Variants in CYB561 observed in about 807,000 individuals in gnomAD.
CYB561 encodes cytochrome b561, also known as transmembrane ascorbate-dependent reductase CYB561.
Under a neutral mutation model 25.3 loss-of-function variants are expected in CYB561, and 11 were observed. The ratio of observed to expected loss-of-function variants is 0.44; its 90% CI spans 0.27 to 0.72. The LOEUF is 0.72. Among genes scored for constraint, CYB561 ranks in the 30% least tolerant of loss-of-function variants. The probability of loss-of-function intolerance (pLI) is 0.18; values close to 1 mark genes in which losing one functional copy is unlikely to be tolerated. For synonymous variants in CYB561, 165 were observed against 158.8 expected (o/e 1.04, Z -0.29); for missense variants, 295 against 334.9 (o/e 0.88, Z 0.93).
rs1454233103 is a variant in CYB561, at chr17:63,436,125, T to C, written c.230A>G (p.Asn77Ser). ...GACCTTGGTGGTGCGTTTAGCTTCG[T>C]TCCTGAAGACACGGTAAACCAGCAG... ...NALLVYRVFR[N>S]EAKRTTKVLH... is the part of the protein sequence containing the mutation. The change falls in exon 3 of 6, where the codon AAC (asparagine) becomes AGC (serine). Residue 77 changes from asparagine (N) to serine (S), a missense_variant. Physicochemically the swap from Asn to Ser is conservative, Grantham distance 46 (BLOSUM62 1). Coordinates refer to ENST00000360793, the MANE Select transcript of CYB561 (RefSeq NM_001915.4). This position sits in a 1 kb window ranked among gnomAD's most constrained non-coding sequence, Gnocchi z 4.8. The C allele has an allele frequency of 1.2e-6, 2 of 1,614,012 alleles. No individual in the cohort carries two copies. Among genetic ancestry groups the C allele is most frequent in the African/African-American group, 2.7e-5 (2 of 74,902 alleles).
At chr17:63,435,513 C>A in intron 4 of CYB561, 175 bp downstream of exon 4, 1 of 703,768 alleles carries the variant, frequency 1.4e-6, no homozygotes, top group East Asian at 2.7e-5. Flanking sequence ...GGGAGCTGGG[C>A]ACCCTTGGCC....
upstream of CYB561, chr17:63,446,431 G>A (rs1243668776): frequency 1.3e-5 from 2 of 151,886 alleles, no homozygotes; most frequent in African/African-American, 4.8e-5. Flanking sequence ...CCGCGGTTGC[G>A]GCCACGCTCG....
intron 2 of CYB561, chr17:63,437,035 C>T: frequency 4.4e-6 from 2 of 450,082 alleles, no homozygotes; most frequent in South Asian, 2.9e-5. Context: ...ATTCAAACCA[C>T]CCCTGCAGCA....
Position 63,433,053 on chromosome 17 carries a change from CTT to C in CYB561, c.*1347_*1348del, listed in dbSNP as rs558731885. The C allele has an allele frequency of 1.8e-5, 4 of 219,686 alleles. No homozygotes were observed. The highest frequency in any genetic ancestry group is 4.6e-5 in the African/African-American group (2 of 43,278). 13.6% of individuals were successfully genotyped at this position (219,686 alleles called of 1,614,324 possible). ...ATCCAAGAAGCACATGATCGGTGTT[CTT>C]TTTTTTTTCTTTTTTGAGCCTGTCG... On this transcript the variant is annotated 3_prime_UTR_variant, in exon 6 of 6. Coordinates refer to ENST00000360793, the MANE Select transcript of CYB561 (RefSeq NM_001915.4).
chr17:63,436,886 A>T lies in CYB561; in HGVS notation c.202+460T>A, dbSNP rs1002915942. Among the ~76,000 whole-genome samples the T allele has an allele frequency of 2.0e-5, 3 of 152,190 alleles. No homozygotes were observed. Among genetic ancestry groups the T allele is most frequent in the African/African-American group, 7.2e-5 (3 of 41,436 alleles). On this transcript the variant is annotated intron_variant, in intron 2 of 5. Transcript: ENST00000360793. The surrounding 1 kb of genome is among the most constrained non-coding windows in gnomAD (Gnocchi z 4.8). Reference sequence around the variant, plus strand: ...CTTCCTGGATCCCTGGCCTGGAGGCAGGTGGAGGCCAAGCACTGCCTTGCT... The same window carrying T: ...CTTCCTGGATCCCTGGCCTGGAGGCTGGTGGAGGCCAAGCACTGCCTTGCT...
chr17:63,438,304 G>A, intron 1 of CYB561: 1 of 1,170,078 alleles, frequency 8.5e-7, no homozygotes, highest in South Asian at 1.4e-5. Context: ...GGAAGGAAGG[G>A]GCTGGTCACA....
intron 1 of CYB561, chr17:63,438,266 G>C: frequency 6.6e-7 from 1 of 1,510,100 alleles, no homozygotes; most frequent in South Asian, 1.2e-5. Flanking sequence ...TTACAGGTGA[G>C]TTACACAGGC....
chr17:63,444,191 C>T (rs367689514), intron 1 of CYB561, among the ~76,000 whole-genome samples: 13 of 152,086 alleles, frequency 8.5e-5, no homozygotes, highest in African/African-American at 2.2e-4. Flanking sequence ...ACCACTGCGC[C>T]GGGCCAATTG....
chr17:63,435,813 T>G (rs1418492988), intron 3 of CYB561, 22 bp from the exon 4 acceptor site: 2 of 1,610,934 alleles, frequency 1.2e-6, no homozygotes, highest in Non-Finnish European at 8.5e-7. Context: ...ACAGGTCATA[T>G]GAGGACAGGG....
chr17:63,434,104 A>C lies in CYB561; in HGVS notation c.*298T>G. ...GTGGGGCCTCCTCTCTCGCTTCTTTAAAGATCTGTGCTCTGCGACCAGGAC... is the reference window on the plus strand; with the variant it reads ...GTGGGGCCTCCTCTCTCGCTTCTTTCAAGATCTGTGCTCTGCGACCAGGAC... On this transcript the variant is annotated 3_prime_UTR_variant, in exon 6 of 6. Coordinates refer to ENST00000360793, the MANE Select transcript of CYB561 (RefSeq NM_001915.4). The C allele has an allele frequency of 2.9e-6, 1 of 343,434 alleles. No individual in the cohort carries two copies. The highest frequency in any genetic ancestry group is 2.1e-5 in the African/African-American group (1 of 47,980). 21.3% of individuals were successfully genotyped at this position (343,434 alleles called of 1,614,324 possible).
intron 1 of CYB561, chr17:63,439,186 C>G (rs1359678909): frequency 1.3e-5 from 2 of 152,480 alleles, no homozygotes; most frequent in Non-Finnish European, 2.9e-5. Context: ...CTTCTCTGCT[C>G]CCCAGTTCTC....
Position 63,433,178 on chromosome 17 carries a change from G to T in CYB561, c.*1224C>A. 1 of 371,518 alleles carries T rather than the reference G, an allele frequency of 2.7e-6. No individual in the cohort carries two copies. Among genetic ancestry groups the T allele is most frequent in the Middle Eastern group, 6.8e-4 (1 of 1,468 alleles). The allele number at this position is 371,518 out of a possible 1,614,324, so 23.0% of individuals were successfully genotyped here. ...CTCCCAAGTAGCTGGGACTACAGGC[G>T]CCCACCACCACGCCTGGCTAATTTT... On this transcript the variant is annotated 3_prime_UTR_variant, in exon 6 of 6. Coordinates refer to ENST00000360793, the MANE Select transcript of CYB561 (RefSeq NM_001915.4).
chr17:63,438,314 A>T, intron 1 of CYB561: 1 of 1,036,068 alleles, frequency 9.7e-7, no homozygotes. Flanking sequence ...GGCTGGTCAC[A>T]CCTTTTCTCC....
Position 63,434,129 on chromosome 17 carries a change from C to T in CYB561, c.*273G>A, listed in dbSNP as rs1460526708. 1.4e-5 allele frequency: 6 copies of T among 419,024 alleles called. No homozygotes were observed. The Admixed American group carries it at 1.6e-4, about 11-fold the overall frequency. 26.0% of individuals were successfully genotyped at this position (419,024 alleles called of 1,614,324 possible). A position where few individuals can be genotyped will look rare whatever the true frequency, so the allele number is the denominator to read the frequency against. ...AAAGATCTGTGCTCTGCGACCAGGA[C>T]CGAACACCCGAAGTCCTACCCAAAG... On this transcript the variant is annotated 3_prime_UTR_variant, in exon 6 of 6. Transcript: ENST00000360793.
intron 1 of CYB561, chr17:63,440,141 C>T (rs746940110): frequency 7.5e-6 from 3 of 398,634 alleles, no homozygotes; most frequent in Non-Finnish European, 1.3e-5. Flanking sequence ...GTTCTGTCCC[C>T]GCCACCCCAA....
In CYB561 at chr17:63,435,634, T is replaced by C. The variant is rs144629016; in HGVS notation, c.405+54A>G. 1,167 of 1,428,792 alleles carry C rather than the reference T, an allele frequency of 8.2e-4. 12 individuals are homozygous for C. The African/African-American group carries it at 0.014, about 17-fold the overall frequency. The allele number at this position is 1,428,792 out of a possible 1,614,324, so 88.5% of individuals were successfully genotyped here. ...GTACATTTCAGCCCAGCTCCCCTCCTCCTCCCACCTCCCTGGTAGGTGGCC... is the reference window on the plus strand; with the variant it reads ...GTACATTTCAGCCCAGCTCCCCTCCCCCTCCCACCTCCCTGGTAGGTGGCC... On this transcript the variant is annotated intron_variant, in intron 4 of 5. Coordinates refer to ENST00000360793, the MANE Select transcript of CYB561 (RefSeq NM_001915.4).
intron 1 of CYB561, chr17:63,438,131 G>A: frequency 2.6e-6 from 4 of 1,535,264 alleles, no homozygotes; most frequent in Non-Finnish European, 3.5e-6. Context: ...CCTGGGACAC[G>A]ACGCCAGGAG....
At chr17:63,444,172 C>A (rs1435937962) in intron 1 of CYB561, among the ~76,000 whole-genome samples, 1 of 152,118 alleles carries the variant, frequency 6.6e-6, no homozygotes, top group Non-Finnish European at 1.5e-5. Context: ...TTTGTAGAGA[C>A]GCGCTTTCAC....
intron 5 of CYB561, 44 bp from the exon 6 acceptor site, chr17:63,434,638 A>T: frequency 6.5e-7 from 1 of 1,531,994 alleles, no homozygotes; most frequent in South Asian, 1.2e-5. Flanking sequence ...AGGGGTCACA[A>T]TTAGGCCAAA....
Sources: gnomAD v4.1 joint callset for allele counts (sites outside exome capture counted in the v4.1 genomes callset) on GRCh38, gnomAD v4.1.1 for gene constraint, Gnocchi (gnomAD v3.1) non-coding constraint, MANE v1.5 for transcripts, NCBI Gene and HGNC (gene_info 2026-07-23, HGNC 2026-07-21) for gene names.